The following STK39 variants were observed in gnomAD, a reference collection of about 807,000 sequenced individuals.
STK39 encodes STE20/SPS1-related proline-alanine-rich protein kinase.
In STK39, 20 loss-of-function variants were observed where a neutral mutation model predicts 77.8. The ratio of observed to expected loss-of-function variants is 0.26; its 90% CI spans 0.18 to 0.37. STK39 has a LOEUF of 0.37. Among genes scored for constraint, STK39 ranks in the 10% least tolerant of loss-of-function variants. The probability of loss-of-function intolerance (pLI) is 1.00; values close to 1 mark genes in which losing one functional copy is unlikely to be tolerated. For missense variants in STK39, 479 were observed against 656.5 expected (o/e 0.73, Z 2.95); for synonymous variants, 246 against 234.1 (o/e 1.05, Z -0.47).
intron 17 of STK39, among the ~76,000 whole-genome samples, chr2:167,956,690 A>ACACACACACC (rs1691781262): frequency 2.2e-5 from 1 of 45,912 alleles, no homozygotes; most frequent in Admixed American, 2.1e-4. Flanking sequence ...ACACACACAC[A>ACACACACACC]CACACACTCT....
chr2:168,125,375 C>T (rs952852022), intron 10 of STK39, among the ~76,000 whole-genome samples: 5 of 152,112 alleles, frequency 3.3e-5, no homozygotes, highest in African/African-American at 1.2e-4. Flanking sequence ...GGAGACAGGT[C>T]CCTCAGAAAG....
At chr2:168,033,892 TCA>T (rs1479123067) in intron 14 of STK39, among the ~76,000 whole-genome samples, 3 of 152,194 alleles carry the variant, frequency 2.0e-5, no homozygotes, top group African/African-American at 7.2e-5. Context: ...ACGAACTACT[TCA>T]TGGCATAACT....
intron 14 of STK39, among the ~76,000 whole-genome samples, chr2:168,050,795 G>A (rs1450228985): frequency 1.3e-5 from 2 of 152,164 alleles, no homozygotes. Context: ...CTAAGTAAAT[G>A]GTAATCTGTT....
intron 16 of STK39, among the ~76,000 whole-genome samples, chr2:167,970,611 C>T (rs1692308373): frequency 6.6e-6 from 1 of 152,164 alleles, no homozygotes; most frequent in Non-Finnish European, 1.5e-5. Context: ...ATTCGTTTGC[C>T]CTGTTAAAGC....
chr2:168,118,111 G>A (rs117529985), intron 10 of STK39, among the ~76,000 whole-genome samples: 1 of 152,228 alleles, frequency 6.6e-6, no homozygotes, highest in East Asian at 1.9e-4. Context: ...GCACCTAGTA[G>A]GTTACCAGGA....
chr2:167,987,628 T>C (rs912598766), intron 16 of STK39, among the ~76,000 whole-genome samples: 7 of 152,290 alleles, frequency 4.6e-5, no homozygotes, highest in Middle Eastern at 3.4e-3. Flanking sequence ...AAACCCCAGC[T>C]GGCAAAATCC....
chr2:168,038,669 T>C (rs934450471), intron 14 of STK39, among the ~76,000 whole-genome samples: 4 of 152,150 alleles, frequency 2.6e-5, no homozygotes, highest in Non-Finnish European at 5.9e-5. Context: ...ATTATCCATA[T>C]GTATCTGGCA....
chr2:168,226,358 C>T (rs1690305873), intron 1 of STK39, among the ~76,000 whole-genome samples: 1 of 152,062 alleles, frequency 6.6e-6, no homozygotes, highest in African/African-American at 2.4e-5. Context: ...CCCCTATTCC[C>T]ACATCTACCT....
chr2:167,982,872 C>A (rs1311294006), intron 16 of STK39, among the ~76,000 whole-genome samples: 3 of 152,176 alleles, frequency 2.0e-5, no homozygotes, highest in African/African-American at 7.2e-5. Context: ...ATGTTACTCA[C>A]CCCATCTCAC....
intron 2 of STK39, among the ~76,000 whole-genome samples, chr2:168,172,842 GT>G (rs1688862503): frequency 6.6e-6 from 1 of 152,154 alleles, no homozygotes; most frequent in South Asian, 2.1e-4. Context: ...CTCCAAAATT[GT>G]ATGCAGTTAA....
intron 8 of STK39, among the ~76,000 whole-genome samples, chr2:168,132,056 T>G (rs1051288848): frequency 6.6e-6 from 1 of 152,088 alleles, no homozygotes; most frequent in Non-Finnish European, 1.5e-5. Flanking sequence ...TTCAAACACC[T>G]TGGAAGGAGA....
At chr2:168,123,672 G>C (rs1173501125) in intron 10 of STK39, among the ~76,000 whole-genome samples, 1 of 151,864 alleles carries the variant, frequency 6.6e-6, no homozygotes, top group African/African-American at 2.4e-5. Context: ...GAGTTCAAGA[G>C]AGCCTGGCCA....
At chr2:168,173,350 A>AT (rs1181638484) in intron 2 of STK39, among the ~76,000 whole-genome samples, 1 of 152,210 alleles carries the variant, frequency 6.6e-6, no homozygotes, top group African/African-American at 2.4e-5. Flanking sequence ...TTTTAGCAGC[A>AT]TTATGAAAGG....
chr2:168,239,811 G>C (rs1399262135), intron 1 of STK39, among the ~76,000 whole-genome samples: 1 of 152,228 alleles, frequency 6.6e-6, no homozygotes, highest in Non-Finnish European at 1.5e-5. Context: ...TTTGCAGATA[G>C]TGTGACAACT....
chr2:168,034,707 C>A (rs774603830), intron 14 of STK39, among the ~76,000 whole-genome samples: 3 of 152,148 alleles, frequency 2.0e-5, no homozygotes, highest in South Asian at 2.1e-4. Flanking sequence ...GGATCGGTCA[C>A]GCAGAAACGC....
intron 10 of STK39, among the ~76,000 whole-genome samples, chr2:168,123,946 T>C (rs1687475572): frequency 6.6e-6 from 1 of 151,618 alleles, no homozygotes; most frequent in Non-Finnish European, 1.5e-5. Flanking sequence ...TAAATGTGAA[T>C]TGAAATATTC....
intron 14 of STK39, among the ~76,000 whole-genome samples, chr2:168,062,737 C>G (rs537821588): frequency 6.6e-6 from 1 of 152,116 alleles, no homozygotes; most frequent in Non-Finnish European, 1.5e-5. Context: ...AGTATATGCA[C>G]GTGCTTTATT....
At chr2:168,138,013 C>A (rs974557328) in intron 8 of STK39, 75 bp downstream of exon 8, 40 of 1,540,896 alleles carry the variant, frequency 2.6e-5, no homozygotes, top group South Asian at 5.2e-5. Context: ...CCTCACAAAG[C>A]CTTTCCCCAT....
intron 3 of STK39, among the ~76,000 whole-genome samples, chr2:168,166,205 A>G (rs1386157354): frequency 6.6e-6 from 1 of 152,204 alleles, no homozygotes; most frequent in African/African-American, 2.4e-5. Context: ...AGGGATGGTG[A>G]CACAGGCCAT....
Sources: allele counts gnomAD v4.1 joint callset (sites outside exome capture counted in the v4.1 genomes callset), GRCh38; gene constraint gnomAD v4.1.1; transcripts MANE v1.5; gene names NCBI Gene and HGNC (gene_info 2026-07-23, HGNC 2026-07-21).